The following XKR9 variants were observed in gnomAD, a reference collection of about 807,000 sequenced individuals.
The protein encoded by XKR9 is XK-related protein 9.
A neutral mutation model predicts 32.0 loss-of-function variants in XKR9; 32 were observed. The ratio of observed to expected loss-of-function variants is 1.00; its 90% CI spans 0.76 to 1.34. XKR9 has a LOEUF of 1.34. Ranked by LOEUF, XKR9 falls within the 40% of genes most tolerant of loss-of-function variation. XKR9 has a pLI of 0.00. For missense variants in XKR9, 546 were observed against 429.7 expected (o/e 1.27, Z -2.39); for synonymous variants, 168 against 143.4 (o/e 1.17, Z -1.22).
chr8:70,792,428 A>G (rs765598048), downstream of XKR9, among the ~76,000 whole-genome samples: 3 of 152,126 alleles, frequency 2.0e-5, no homozygotes, highest in Admixed American at 6.6e-5. Flanking sequence ...CCCTGAGGAA[A>G]TGACCTTGAA....
the XKR9 span, among the ~76,000 whole-genome samples, chr8:70,813,153 T>A: frequency 6.6e-6 from 1 of 152,162 alleles, no homozygotes; most frequent in Non-Finnish European, 1.5e-5. Context: ...TCTACAACCA[T>A]CTGATCTTTG....
chr8:70,760,886 C>A (rs961041971), intron 2 of XKR9, among the ~76,000 whole-genome samples: 1 of 152,118 alleles, frequency 6.6e-6, no homozygotes, highest in African/African-American at 2.4e-5. Flanking sequence ...TTCTGGTAGG[C>A]CCAGTGTGCA....
At chr8:70,989,448 A>G in the XKR9 span, among the ~76,000 whole-genome samples, 1 of 152,158 alleles carries the variant, frequency 6.6e-6, no homozygotes, top group South Asian at 2.1e-4. Context: ...GGGAAATGCT[A>G]TTTTGTTCTT....
the XKR9 span, among the ~76,000 whole-genome samples, chr8:70,877,504 A>G: frequency 6.6e-6 from 1 of 152,188 alleles, no homozygotes. Context: ...CAGAGCTAGG[A>G]TACAGACTCA....
chr8:70,916,916 G>A, the XKR9 span, among the ~76,000 whole-genome samples: 1 of 146,734 alleles, frequency 6.8e-6, no homozygotes, highest in Admixed American at 6.8e-5. Context: ...GGTACTTTAT[G>A]TTTTTAATGC....
chr8:70,698,782 G>A (rs1462103328), intron 3 of XKR9, among the ~76,000 whole-genome samples: 14 of 149,312 alleles, frequency 9.4e-5, no homozygotes, highest in Admixed American at 2.0e-4. Flanking sequence ...GTTGACAGTG[G>A]GGTGTTAAAG....
chr8:70,727,669 A>G (rs1019815318), intron 4 of XKR9, among the ~76,000 whole-genome samples: 2 of 152,174 alleles, frequency 1.3e-5, no homozygotes, highest in Middle Eastern at 3.4e-3. Context: ...AAGTGCTGGG[A>G]TTACAGGCAT....
intron 3 of XKR9, among the ~76,000 whole-genome samples, chr8:70,699,181 C>T (rs570069252): frequency 2.6e-5 from 4 of 152,230 alleles, no homozygotes; most frequent in Admixed American, 1.3e-4. Context: ...AGTCCATTTA[C>T]GTTTAAAGTT....
intron 2 of XKR9, among the ~76,000 whole-genome samples, chr8:70,763,074 A>G (rs1807328960): frequency 6.6e-6 from 1 of 152,166 alleles, no homozygotes; most frequent in Non-Finnish European, 1.5e-5. Context: ...AGTAATTCCT[A>G]CCATTTATAT....
chr8:70,670,573 A>G (rs1040192021), intron 1 of XKR9: 1 of 151,368 alleles, frequency 6.6e-6, no homozygotes, highest in Admixed American at 6.6e-5. Context: ...TTTTTTTTCC[A>G]GATATTTCTG....
the XKR9 span, among the ~76,000 whole-genome samples, chr8:71,065,433 C>T: frequency 2.6e-5 from 4 of 152,326 alleles, no homozygotes; most frequent in East Asian, 1.9e-4. Flanking sequence ...AGATCTGGAC[C>T]GTGCTTACAT....
intron 2 of XKR9, among the ~76,000 whole-genome samples, chr8:70,787,416 A>G (rs557435816): frequency 3.3e-5 from 5 of 152,212 alleles, no homozygotes; most frequent in Admixed American, 1.3e-4. Context: ...TTCAATGCAA[A>G]ATAGGCTTGG....
chr8:70,770,803 T>C (rs1807443826), intron 2 of XKR9, among the ~76,000 whole-genome samples: 1 of 152,206 alleles, frequency 6.6e-6, no homozygotes, highest in South Asian at 2.1e-4. Flanking sequence ...TCAGACTGCG[T>C]GCTGGCAGTG....
At chr8:71,014,647 T>A in the XKR9 span, among the ~76,000 whole-genome samples, 3 of 152,186 alleles carry the variant, frequency 2.0e-5, no homozygotes, top group African/African-American at 7.2e-5. Context: ...TTTTTCCAAA[T>A]AAGATCATAT....
downstream of XKR9, among the ~76,000 whole-genome samples, chr8:70,791,693 A>G (rs1807766187): frequency 6.6e-6 from 1 of 151,960 alleles, no homozygotes; most frequent in Non-Finnish European, 1.5e-5. Flanking sequence ...CTAGCCCCTC[A>G]ATTTTGTACT....
chr8:71,005,338 T>G, the XKR9 span, among the ~76,000 whole-genome samples: 1 of 151,786 alleles, frequency 6.6e-6, no homozygotes, highest in Non-Finnish European at 1.5e-5. Context: ...TTCTTCTGCC[T>G]TAGCCTCCTG....
the XKR9 span, among the ~76,000 whole-genome samples, chr8:71,015,906 C>A: frequency 6.6e-6 from 1 of 152,116 alleles, no homozygotes; most frequent in South Asian, 2.1e-4. Context: ...GAAAGGCTGA[C>A]ATCTGTTTAC....
chr8:70,911,193 A>G, the XKR9 span, among the ~76,000 whole-genome samples: 1 of 152,178 alleles, frequency 6.6e-6, no homozygotes, highest in East Asian at 1.9e-4. Flanking sequence ...CTTGGGTGAC[A>G]TTTTTAGAAT....
At chr8:70,738,066 C>T (rs1173787088), downstream of XKR9, among the ~76,000 whole-genome samples, 2 of 119,228 alleles carry the variant, frequency 1.7e-5, no homozygotes, top group East Asian at 3.9e-4. Flanking sequence ...CCTTGTACCT[C>T]TGGTAGAATT....
Sources: gnomAD v4.1 joint callset for allele counts (sites outside exome capture counted in the v4.1 genomes callset) on GRCh38, gnomAD v4.1.1 for gene constraint, MANE v1.5 for transcripts, NCBI Gene and HGNC (gene_info 2026-07-23, HGNC 2026-07-21) for gene names.